Variants in SORBS2 observed in about 807,000 individuals in gnomAD.
The protein encoded by SORBS2 is sorbin and SH3 domain containing 2.
In SORBS2, 46 loss-of-function variants were observed where a neutral mutation model predicts 97.7. That is an observed-to-expected ratio of 0.47 (90% CI 0.37 to 0.60). The LOEUF (loss-of-function observed/expected upper bound fraction) is 0.60. SORBS2 is among the 20% of genes least tolerant of loss of function. The pLI is 0.00. For missense variants in SORBS2, 1,316 were observed against 1,282.3 expected (o/e 1.03, Z -0.40); for synonymous variants, 476 against 473.4 (o/e 1.01, Z -0.07).
At chr4:185,721,018 G>A (rs2098508599) in intron 2 of SORBS2, among the ~76,000 whole-genome samples, 1 of 150,616 alleles carries the variant, frequency 6.6e-6, no homozygotes, top group Non-Finnish European at 1.5e-5. Context: ...TCAGAGGATA[G>A]TGTGAGACAA....
At chr4:185,908,277 C>A (rs1054170246) in intron 1 of SORBS2, among the ~76,000 whole-genome samples, 5 of 89,572 alleles carry the variant, frequency 5.6e-5, no homozygotes, top group Admixed American at 1.2e-4. Flanking sequence ...CATGCAAAGG[C>A]TATATATATA....
chr4:185,809,482 A>AAAAAAAAAAAAAAAAAC, intron 1 of SORBS2, among the ~76,000 whole-genome samples: 1 of 148,006 alleles, frequency 6.8e-6, no homozygotes, highest in South Asian at 2.1e-4. Context: ...AAAAAAAAAA[A>AAAAAAAAAAAAAAAAAC]TCTGATATAG....
chr4:185,950,626 A>G (rs902608293), intron 1 of SORBS2, among the ~76,000 whole-genome samples: 9 of 152,186 alleles, frequency 5.9e-5, no homozygotes, highest in Non-Finnish European at 8.8e-5. Flanking sequence ...TTCAGCAATG[A>G]TTTTTTAAAA....
At chr4:185,634,477 C>T (rs2096961245) in intron 4 of SORBS2, among the ~76,000 whole-genome samples, 1 of 152,008 alleles carries the variant, frequency 6.6e-6, no homozygotes, top group Admixed American at 6.6e-5. Flanking sequence ...TGCAAGGAGG[C>T]TTTTATATAG....
intron 2 of SORBS2, among the ~76,000 whole-genome samples, chr4:185,762,531 A>T (rs2098902739): frequency 6.6e-6 from 1 of 151,954 alleles, no homozygotes; most frequent in African/African-American, 2.4e-5. Flanking sequence ...AATTCAGAAG[A>T]TGTAATCAGA....
chr4:185,806,434 CTATTTTTTTTTTTTTTTTTTTTT>C (rs1234638026), intron 1 of SORBS2, among the ~76,000 whole-genome samples: 1 of 108,110 alleles, frequency 9.2e-6, no homozygotes, highest in African/African-American at 3.7e-5. Context: ...GGCTAGAATC[CTATTTTTTTTTTTTTTTTTTTTT>C]TTTTTTTTTT....
intron 1 of SORBS2, among the ~76,000 whole-genome samples, chr4:185,877,186 A>G (rs2099234123): frequency 6.6e-6 from 1 of 152,238 alleles, no homozygotes; most frequent in Non-Finnish European, 1.5e-5. Context: ...GTATATTAAT[A>G]TAACCATCCA....
chr4:185,587,776 C>T, intron 14 of SORBS2, 88 bp from the exon 27 acceptor site: 2 of 1,014,174 alleles, frequency 2.0e-6, no homozygotes, highest in Non-Finnish European at 3.1e-6. Context: ...TACAAGGCCT[C>T]GGAAGACAGC....
chr4:185,619,260 A>G (rs1016837608), intron 8 of SORBS2, among the ~76,000 whole-genome samples: 1 of 152,134 alleles, frequency 6.6e-6, no homozygotes, highest in Non-Finnish European at 1.5e-5. Flanking sequence ...TGGGGGCCAC[A>G]GATCTCCCTG....
intron 11 of SORBS2, among the ~76,000 whole-genome samples, chr4:185,614,367 G>A (rs1383529149): frequency 1.3e-5 from 2 of 151,968 alleles, no homozygotes; most frequent in African/African-American, 4.8e-5. Flanking sequence ...GAGCACTGCA[G>A]AGATGGCTCT....
chr4:185,606,053 G>A lies in SORBS2; in HGVS notation c.2796+5727C>T. Reference sequence around the variant, plus strand: ...AAAATCGAAAGGGGACAGAAGTGCTGTTTTTCTTTTCTGTTGTCTTTGTTT... The same window carrying A: ...AAAATCGAAAGGGGACAGAAGTGCTATTTTTCTTTTCTGTTGTCTTTGTTT... On this transcript the variant is annotated intron_variant, in intron 12 of 14. Coordinates refer to ENST00000418609, the Ensembl canonical transcript of SORBS2. This position sits in a 1 kb window ranked among gnomAD's most constrained non-coding sequence, Gnocchi z 4.3. 16 of 980,848 alleles carry A rather than the reference G, an allele frequency of 1.6e-5. No individual in the cohort carries two copies. Among genetic ancestry groups the A allele is most frequent in the Non-Finnish European group, 1.9e-5 (16 of 825,772 alleles). 60.8% of individuals were successfully genotyped at this position (980,848 alleles called of 1,614,324 possible).
At chr4:185,661,578 C>T (rs929174062), upstream of SORBS2, among the ~76,000 whole-genome samples, 4 of 152,152 alleles carry the variant, frequency 2.6e-5, no homozygotes, top group African/African-American at 9.7e-5. Flanking sequence ...TGTGTGGCTT[C>T]CTGCTACCAT....
chr4:185,751,190 A>AAAAAAAAAAAAAAAAAAAAAAAT, intron 2 of SORBS2, among the ~76,000 whole-genome samples: 1 of 86,426 alleles, frequency 1.2e-5, no homozygotes, highest in Non-Finnish European at 2.5e-5. Flanking sequence ...AAAAAAAAAA[A>AAAAAAAAAAAAAAAAAAAAAAAT]AGAGAAAGAG....
chr4:185,825,264 AAC>A (rs1407422423), intron 1 of SORBS2, among the ~76,000 whole-genome samples: 1 of 109,524 alleles, frequency 9.1e-6, no homozygotes, highest in Non-Finnish European at 2.1e-5. Flanking sequence ...ACAGTGCAAT[AAC>A]AGTCAATGTA....
chr4:185,635,310 C>T (rs767861578), intron 4 of SORBS2, 45 bp downstream of exon 16: 24 of 1,361,152 alleles, frequency 1.8e-5, no homozygotes, highest in Non-Finnish European at 2.3e-5. Flanking sequence ...ACAGTCACAG[C>T]CTCTAAGGGA....
chr4:185,715,990 CCA>C (rs1254347380), intron 2 of SORBS2, among the ~76,000 whole-genome samples: 1 of 152,172 alleles, frequency 6.6e-6, no homozygotes, highest in African/African-American at 2.4e-5. Flanking sequence ...CTATGGCAAG[CCA>C]CACAGTCAGA....
At chr4:185,759,863 C>T (rs939643407) in intron 2 of SORBS2, among the ~76,000 whole-genome samples, 5 of 152,220 alleles carry the variant, frequency 3.3e-5, no homozygotes, top group African/African-American at 9.6e-5. Flanking sequence ...AAGCTTATCA[C>T]ATTCTGTAAA....
At chr4:185,790,906 G>A (rs2099077137) in intron 1 of SORBS2, among the ~76,000 whole-genome samples, 1 of 152,194 alleles carries the variant, frequency 6.6e-6, no homozygotes, top group African/African-American at 2.4e-5. Flanking sequence ...CAATGGAAAG[G>A]AAGGCTGATT....
exon 7 of SORBS2, chr4:185,624,223 C>T (rs780773431): frequency 6.2e-7 from 1 of 1,614,204 alleles, no homozygotes; most frequent in Admixed American, 1.7e-5. Flanking sequence ...ACTTGACTTT[C>T]GGGTCCGGGA....
Sources: allele counts gnomAD v4.1 joint callset (sites outside exome capture counted in the v4.1 genomes callset), GRCh38; gene constraint gnomAD v4.1.1; non-coding constraint Gnocchi (gnomAD v3.1); transcripts MANE v1.5; gene names NCBI Gene and HGNC (gene_info 2026-07-23, HGNC 2026-07-21).